Variants in CSMD1 observed in about 807,000 individuals in gnomAD.
CSMD1 encodes CUB and Sushi multiple domains 1.
CSMD1 carries 213 observed loss-of-function variants against 417.5 expected under a neutral mutation model. The observed-to-expected ratio is 0.51, with a 90% CI of 0.46 to 0.57. The LOEUF (loss-of-function observed/expected upper bound fraction) is 0.57. Among genes scored for constraint, CSMD1 ranks in the 20% least tolerant of loss-of-function variants. The pLI is 0.00. For missense variants in CSMD1, 6,923 were observed against 4,529.7 expected, an observed-to-expected ratio of 1.53 and a Z score of -15.17; for synonymous variants, 2,862 against 1,736.8, an observed-to-expected ratio of 1.65 and a Z score of -16.11.
At chr8:3,861,561 A>G (rs766632286) in intron 5 of CSMD1, among the ~76,000 whole-genome samples, 1 of 152,150 alleles carries the variant, frequency 6.6e-6, no homozygotes, top group Admixed American at 6.5e-5. Context: ...CGTGAGCATT[A>G]CTTGGGAATG....
chr8:3,083,948 G>C (rs939718800), intron 49 of CSMD1, among the ~76,000 whole-genome samples: 2 of 151,964 alleles, frequency 1.3e-5, no homozygotes, highest in African/African-American at 2.4e-5. Flanking sequence ...ACAGGTGTCA[G>C]CCACTGCACC....
chr8:4,319,360 T>C (rs1363469146), intron 3 of CSMD1, among the ~76,000 whole-genome samples: 1 of 152,158 alleles, frequency 6.6e-6, no homozygotes, highest in African/African-American at 2.4e-5. Flanking sequence ...TTCCTTTTGC[T>C]GAATGTTTCT....
chr8:3,503,171 A>G (rs190334323), intron 10 of CSMD1, among the ~76,000 whole-genome samples: 19 of 152,340 alleles, frequency 1.2e-4, no homozygotes, highest in East Asian at 5.8e-4. Context: ...CAACCTAGAA[A>G]AAAGTACTTT....
intron 1 of CSMD1, among the ~76,000 whole-genome samples, chr8:4,711,813 G>C (rs923239491): frequency 6.6e-6 from 1 of 151,942 alleles, no homozygotes; most frequent in Non-Finnish European, 1.5e-5. Context: ...CCTTAAAAAA[G>C]GTCCCGAACC....
At chr8:3,281,834 T>G (rs10094867) in intron 26 of CSMD1, among the ~76,000 whole-genome samples, 114,207 of 151,996 alleles carry the variant, frequency 0.75, 43,295 homozygotes, top group Admixed American at 0.84. Context: ...TTGGAGGTAG[T>G]GCCTGGAGGG....
intron 5 of CSMD1, among the ~76,000 whole-genome samples, chr8:3,818,167 T>C (rs1029280031): frequency 1.1e-4 from 16 of 151,906 alleles, no homozygotes; most frequent in Admixed American, 2.6e-4. Context: ...CTGACACTCA[T>C]AGGATGCCAA....
At chr8:4,019,878 G>A (rs561661048) in intron 4 of CSMD1, among the ~76,000 whole-genome samples, 99 of 148,600 alleles carry the variant, frequency 6.7e-4, no homozygotes, top group African/African-American at 2.4e-3. Flanking sequence ...AAGTCAGTCT[G>A]CTAGTTTCTT....
chr8:4,633,026 C>A (rs1802613734), intron 2 of CSMD1, among the ~76,000 whole-genome samples: 1 of 152,008 alleles, frequency 6.6e-6, no homozygotes, highest in Non-Finnish European at 1.5e-5. Flanking sequence ...GTCATGGGTA[C>A]TAGAACTGTT....
intron 41 of CSMD1, among the ~76,000 whole-genome samples, chr8:3,134,596 T>C (rs1321509761): frequency 2.0e-5 from 3 of 152,096 alleles, no homozygotes; most frequent in East Asian, 1.9e-4. Flanking sequence ...TGGGAGAAAA[T>C]TGTTCTTTTT....
In CSMD1 at chr8:2,938,410, A is replaced by T. The variant is rs916163742; in HGVS notation, c.*175T>A. 11 of 599,248 alleles carry T rather than the reference A, an allele frequency of 1.8e-5. No homozygotes were observed. The African/African-American group carries it at 2.1e-4, about 11-fold the overall frequency. The allele number at this position is 599,248 out of a possible 1,614,324, so 37.1% of individuals were successfully genotyped here. A position where few individuals can be genotyped will look rare whatever the true frequency, so the allele number is the denominator to read the frequency against. ...AAAACGCATGTGTAGTTTGATCCGT[A>T]GAAGACCCTGACACATTTGAGTAGA... On this transcript the variant is annotated 3_prime_UTR_variant, in exon 70 of 70. Coordinates refer to ENST00000635120, the MANE Select transcript of CSMD1 (RefSeq NM_033225.6).
intron 3 of CSMD1, among the ~76,000 whole-genome samples, chr8:4,385,130 T>C (rs1450184758): frequency 6.7e-6 from 1 of 149,016 alleles, no homozygotes; most frequent in African/African-American, 2.5e-5. Flanking sequence ...TTTCACCATG[T>C]TGGCCAGGCT....
intron 5 of CSMD1, among the ~76,000 whole-genome samples, chr8:3,793,077 G>C (rs1799837776): frequency 6.6e-6 from 1 of 152,144 alleles, no homozygotes; most frequent in Admixed American, 6.5e-5. Context: ...AGAGTAGAAA[G>C]GGGCAATTAA....
intron 3 of CSMD1, among the ~76,000 whole-genome samples, chr8:4,397,390 G>C (rs1018915890): frequency 6.6e-6 from 1 of 152,106 alleles, no homozygotes; most frequent in Non-Finnish European, 1.5e-5. Context: ...GTGGAAAAGA[G>C]AAGTTACTTC....
intron 25 of CSMD1, among the ~76,000 whole-genome samples, chr8:3,292,819 C>A (rs971599083): frequency 6.6e-6 from 1 of 151,926 alleles, no homozygotes; most frequent in Non-Finnish European, 1.5e-5. Context: ...GCATTTAGCC[C>A]ATTTACATTT....
At chr8:3,626,006 T>C (rs1796472571) in intron 7 of CSMD1, among the ~76,000 whole-genome samples, 1 of 152,166 alleles carries the variant, frequency 6.6e-6, no homozygotes, top group Non-Finnish European at 1.5e-5. Flanking sequence ...AATAGGAATA[T>C]TCTACTATAA....
intron 1 of CSMD1, among the ~76,000 whole-genome samples, chr8:4,895,170 T>C (rs935855649): frequency 6.6e-6 from 1 of 152,194 alleles, no homozygotes; most frequent in Non-Finnish European, 1.5e-5. Context: ...AAATAATAAC[T>C]ATTTGTAGAA....
chr8:3,128,469 A>T (rs1007276307), intron 41 of CSMD1: 6 of 214,780 alleles, frequency 2.8e-5, no homozygotes, highest in African/African-American at 1.2e-4. Flanking sequence ...CAGCACAGAC[A>T]TCATTGAAAA....
chr8:3,671,813 C>T (rs533945770), intron 7 of CSMD1, among the ~76,000 whole-genome samples: 1 of 151,860 alleles, frequency 6.6e-6, no homozygotes, highest in African/African-American at 2.4e-5. Context: ...GAGCCTAGAA[C>T]TTCAGTTCTT....
At chr8:4,425,721 C>T (rs1217850881) in intron 2 of CSMD1, among the ~76,000 whole-genome samples, 2 of 152,090 alleles carry the variant, frequency 1.3e-5, no homozygotes, top group Non-Finnish European at 2.9e-5. Context: ...AATTACGAAA[C>T]ATTTTGAAGT....
Sources: gnomAD v4.1 joint callset for allele counts (sites outside exome capture counted in the v4.1 genomes callset) on GRCh38, gnomAD v4.1.1 for gene constraint, MANE v1.5 for transcripts, NCBI Gene and HGNC (gene_info 2026-07-23, HGNC 2026-07-21) for gene names.